NIPAL2: variants seen among roughly 807,000 people sequenced by gnomAD.
NIPAL2 encodes the protein NIPA like domain containing 2.
A neutral mutation model predicts 48.9 loss-of-function variants in NIPAL2; 43 were observed. That is an observed-to-expected ratio of 0.88 (90% CI 0.69 to 1.13). NIPAL2 has a LOEUF of 1.13. NIPAL2 is among the 50% of genes most tolerant of loss of function. The pLI, the probability that NIPAL2 is intolerant of heterozygous loss-of-function variation, is 0.00. For synonymous variants in NIPAL2, 167 were observed against 174.6 expected (o/e 0.96, Z 0.34); for missense variants, 446 against 461.4 (o/e 0.97, Z 0.31).
Position 98,208,796 on chromosome 8 carries a change from G to A in NIPAL2, c.656-3550C>T, listed in dbSNP as rs543025769. On this transcript the variant is annotated intron_variant, in intron 6 of 10. Transcript: ENST00000430223. ...CCACTACTGGCAAAGTGGGCCACTCGCCAGAAGCCAGGTTTCTTTCTTCTG... is the reference window on the plus strand; with the variant it reads ...CCACTACTGGCAAAGTGGGCCACTCACCAGAAGCCAGGTTTCTTTCTTCTG... Among the ~76,000 whole-genome samples the A allele has an allele frequency of 5.3e-5, 8 of 152,186 alleles. No homozygotes were observed. In the South Asian group the frequency reaches 1.0e-3, roughly 20 times the overall value.
intron 1 of NIPAL2, among the ~76,000 whole-genome samples, chr8:98,268,548 G>A (rs1234656335): frequency 2.6e-5 from 4 of 151,294 alleles, no homozygotes. Context: ...TTGAACCCGA[G>A]AGGTGGAGGT....
intron 1 of NIPAL2, among the ~76,000 whole-genome samples, chr8:98,280,167 T>C (rs1815716384): frequency 1.3e-5 from 2 of 152,194 alleles, no homozygotes; most frequent in Non-Finnish European, 2.9e-5. Context: ...TGTGTGGAAT[T>C]GGTGATCTGT....
chr8:98,196,673 C>A (rs1259845752), intron 8 of NIPAL2, among the ~76,000 whole-genome samples: 1 of 152,164 alleles, frequency 6.6e-6, no homozygotes, highest in Admixed American at 6.5e-5. Flanking sequence ...AGTTCCAAAG[C>A]CTTCATAGAG....
At chr8:98,276,747 ATTTC>A (rs747776520) in intron 1 of NIPAL2, among the ~76,000 whole-genome samples, 10 of 146,842 alleles carry the variant, frequency 6.8e-5, no homozygotes, top group Non-Finnish European at 1.5e-4. Flanking sequence ...ATGTTTACCC[ATTTC>A]TTTCTTTCTT....
intron 5 of NIPAL2, among the ~76,000 whole-genome samples, chr8:98,215,037 G>T (rs1464595336): frequency 2.0e-5 from 3 of 152,172 alleles, no homozygotes; most frequent in African/African-American, 7.2e-5. Flanking sequence ...GACAATTATA[G>T]ACAATTCACA....
At chr8:98,280,483 G>T (rs1383027887) in intron 1 of NIPAL2, among the ~76,000 whole-genome samples, 1 of 151,898 alleles carries the variant, frequency 6.6e-6, no homozygotes, top group Non-Finnish European at 1.5e-5. Flanking sequence ...CTGCAGAAAT[G>T]ACTGTAATGG....
rs552197828 is a variant in NIPAL2 at position 98,244,318 on chromosome 8, T to C, written c.377-8104A>G. On this transcript the variant is annotated intron_variant, in intron 3 of 10. Coordinates refer to ENST00000430223, the MANE Select transcript of NIPAL2 (RefSeq NM_001321635.2). ...TGTAATGATGAGAGGGTGGGCGTGG[T>C]GATGAGGGGTAGTCTGTAATGATGA... Among the ~76,000 whole-genome samples the C allele has an allele frequency of 2.8e-3, 192 of 68,170 alleles. 11 individuals are homozygous for C. Among genetic ancestry groups the C allele is most frequent in the African/African-American group, 0.011 (187 of 17,084 alleles). The allele number at this position is 68,170 out of a possible 152,430, so 44.7% of individuals were successfully genotyped here. A position where few individuals can be genotyped will look rare whatever the true frequency, so the allele number is the denominator to read the frequency against.
Position 98,207,191 on chromosome 8 carries a change from G to A in NIPAL2, c.656-1945C>T, listed in dbSNP as rs186789487. ...GCCTCAGAACCTCAGAATTGCAAAG[G>A]ACCTTAAAGGTCATCTGATTTAACC... is the stretch of plus-strand genomic sequence containing the variant. On this transcript the variant is annotated intron_variant, in intron 6 of 10. Transcript: ENST00000430223. Among the ~76,000 whole-genome samples the A allele has an allele frequency of 7.4e-3, 1,130 of 152,216 alleles. 9 individuals are homozygous for A. Among genetic ancestry groups the A allele is most frequent in the Non-Finnish European group, 0.011 (721 of 68,010 alleles).
chr8:98,233,205 C>G (rs940157369), intron 4 of NIPAL2, among the ~76,000 whole-genome samples: 15 of 151,814 alleles, frequency 9.9e-5, no homozygotes, highest in African/African-American at 3.4e-4. Context: ...TTGCAGTAAG[C>G]TGAGATCACG....
chr8:98,282,934 C>CTATT (rs1335583634), intron 1 of NIPAL2, among the ~76,000 whole-genome samples: 2 of 152,174 alleles, frequency 1.3e-5, no homozygotes, highest in Non-Finnish European at 2.9e-5. Flanking sequence ...TTATTGTATG[C>CTATT]TATTGGGTTG....
rs778370770 is a variant in NIPAL2 at position 98,239,260 on chromosome 8, C to T, written c.377-3046G>A. Reference sequence around the variant, plus strand: ...GAATTTGTTTGTCTATTCACTGATCCATCCATTTAAAACACATTTACATTA... The same window carrying T: ...GAATTTGTTTGTCTATTCACTGATCTATCCATTTAAAACACATTTACATTA... On this transcript the variant is annotated intron_variant, in intron 3 of 10. Transcript: ENST00000430223. 3.3e-5 allele frequency among the ~76,000 whole-genome samples: 5 copies of T among 152,188 alleles called. No homozygotes were observed. In the South Asian group the frequency reaches 8.3e-4, roughly 25 times the overall value.
chr8:98,270,683 C>T lies in NIPAL2; in HGVS notation c.136-16596G>A, dbSNP rs539304312. 1.6e-4 allele frequency among the ~76,000 whole-genome samples: 24 copies of T among 152,140 alleles called. No homozygotes were observed. In the South Asian group the frequency reaches 5.0e-3, roughly 32 times the overall value. On this transcript the variant is annotated intron_variant, in intron 1 of 10. Transcript: ENST00000430223. ...TCTGTTGATAGTCTCTTTGGGTGTGCAGAAGCTCTTTAGCTTAATTAGGTC... is the reference window on the plus strand; with the variant it reads ...TCTGTTGATAGTCTCTTTGGGTGTGTAGAAGCTCTTTAGCTTAATTAGGTC...
chr8:98,222,709 C>G, intron 4 of NIPAL2, 109 bp from the exon 5 acceptor site: 1 of 1,071,636 alleles, frequency 9.3e-7, no homozygotes, highest in Non-Finnish European at 1.4e-6. Context: ...CCAATCGCCC[C>G]TCCCTATTAT....
At chr8:98,246,153 C>T (rs1000665759) in intron 3 of NIPAL2, among the ~76,000 whole-genome samples, 2 of 152,154 alleles carry the variant, frequency 1.3e-5, no homozygotes, top group Non-Finnish European at 2.9e-5. Flanking sequence ...ATCTTGGAGA[C>T]CAAAGTTTCT....
intron 5 of NIPAL2, among the ~76,000 whole-genome samples, chr8:98,219,827 AG>A (rs1319580689): frequency 6.6e-6 from 1 of 152,146 alleles, no homozygotes; most frequent in Non-Finnish European, 1.5e-5. Context: ...CACATAACGC[AG>A]TGCTGTTCTA....
intron 8 of NIPAL2, among the ~76,000 whole-genome samples, chr8:98,202,125 T>A (rs562053394): frequency 1.3e-5 from 2 of 152,252 alleles, no homozygotes; most frequent in African/African-American, 4.8e-5. Flanking sequence ...ATCATGCCTG[T>A]CATATTTTAA....
rs896059892 is a variant in NIPAL2, at chr8:98,195,727, T to C, written c.944+215A>G. 2.0e-5 allele frequency: 8 copies of C among 405,152 alleles called. No individual in the cohort carries two copies. The East Asian group carries it at 4.7e-4, about 24-fold the overall frequency. 25.1% of individuals were successfully genotyped at this position (405,152 alleles called of 1,614,324 possible). On this transcript the variant is annotated intron_variant, in intron 9 of 10. Coordinates refer to ENST00000430223, the MANE Select transcript of NIPAL2 (RefSeq NM_001321635.2). ...TTGGCCTGGAATTGGAAATCCCCAA[T>C]GTTTCAGAACAGCAGAGATATACCT...
chr8:98,262,980 A>C (rs987935417), intron 1 of NIPAL2, among the ~76,000 whole-genome samples: 4 of 148,962 alleles, frequency 2.7e-5, no homozygotes, highest in Admixed American at 6.7e-5. Flanking sequence ...AATCTCACTC[A>C]AAACCGCTCA....
chr8:98,258,969 A>G (rs1448965604), intron 1 of NIPAL2, among the ~76,000 whole-genome samples: 1 of 152,026 alleles, frequency 6.6e-6, no homozygotes, highest in East Asian at 1.9e-4. Context: ...AGGATTTGGC[A>G]ATAATTTCTT....
Sources: gnomAD v4.1 joint callset for allele counts (sites outside exome capture counted in the v4.1 genomes callset) on GRCh38, gnomAD v4.1.1 for gene constraint, MANE v1.5 for transcripts, NCBI Gene and HGNC (gene_info 2026-07-23, HGNC 2026-07-21) for gene names.